The following CAMSAP2 variants were observed in gnomAD, a reference collection of about 807,000 sequenced individuals.
The protein encoded by CAMSAP2 is calmodulin regulated spectrin associated protein family member 2, also known as calmodulin-regulated spectrin-associated protein 2.
A neutral mutation model predicts 146.1 loss-of-function variants in CAMSAP2; 26 were observed. The observed-to-expected ratio is 0.18, with a 90% CI of 0.13 to 0.25. The LOEUF is 0.25. Among genes scored for constraint, CAMSAP2 ranks in the 10% least tolerant of loss-of-function variants. The pLI is 1.00. For missense variants in CAMSAP2, 1,381 were observed against 1,759.3 expected, an observed-to-expected ratio of 0.78 and a Z score of 3.85; for synonymous variants, 499 against 596.6, an observed-to-expected ratio of 0.84 and a Z score of 2.38.
intron 2 of CAMSAP2, among the ~76,000 whole-genome samples, chr1:200,761,619 C>T (rs1010876531): frequency 7.2e-5 from 11 of 151,850 alleles, no homozygotes; most frequent in African/African-American, 2.7e-4. Flanking sequence ...CCTGTAATCC[C>T]AGTTACTTGG....
chr1:200,835,382 A>G (rs1470070726), intron 6 of CAMSAP2, among the ~76,000 whole-genome samples: 1 of 152,240 alleles, frequency 6.6e-6, no homozygotes, highest in Non-Finnish European at 1.5e-5. Context: ...AAAATATTTT[A>G]GCGAGAGACT....
chr1:200,837,257 A>C (rs1667208116), intron 6 of CAMSAP2, among the ~76,000 whole-genome samples: 1 of 151,982 alleles, frequency 6.6e-6, no homozygotes, highest in African/African-American at 2.4e-5. Flanking sequence ...ATCTTGAGTT[A>C]ATTTTTTTAT....
chr1:200,765,634 T>C (rs1378517419), intron 2 of CAMSAP2, among the ~76,000 whole-genome samples: 3 of 152,096 alleles, frequency 2.0e-5, no homozygotes, highest in Non-Finnish European at 4.4e-5. Flanking sequence ...AACTAGACAG[T>C]ATGAAATAAG....
rs143434546 is a variant in CAMSAP2 at position 200,782,725 on chromosome 1, A to G, written c.399+21627A>G. On this transcript the variant is annotated intron_variant, in intron 2 of 16. Coordinates refer to ENST00000358823, the MANE Select transcript of CAMSAP2 (RefSeq NM_203459.4). ...GACTTTGATGCTGTTTCCAGTTTTG[A>G]TGTGTTAGAAATAACGCAGCTATGA... 1.7e-3 allele frequency among the ~76,000 whole-genome samples: 236 copies of G among 141,730 alleles called. 1 individual carries two copies. The highest frequency in any genetic ancestry group is 6.0e-3 in the African/African-American group (230 of 38,654). The allele number at this position is 141,730 out of a possible 152,430, so 93.0% of individuals were successfully genotyped here.
intron 2 of CAMSAP2, among the ~76,000 whole-genome samples, chr1:200,771,186 C>T (rs1313952561): frequency 6.6e-6 from 1 of 152,016 alleles, no homozygotes; most frequent in Non-Finnish European, 1.5e-5. Context: ...GATTGTTTTG[C>T]TCACCTGACT....
chr1:200,833,951 G>T (rs2102220496), intron 6 of CAMSAP2, among the ~76,000 whole-genome samples: 1 of 152,254 alleles, frequency 6.6e-6, no homozygotes, highest in Admixed American at 6.5e-5. Context: ...ATTGTCCTTT[G>T]ACTGTAGGCT....
intron 2 of CAMSAP2, among the ~76,000 whole-genome samples, chr1:200,770,132 C>T (rs183162300): frequency 7.0e-4 from 107 of 152,124 alleles, no homozygotes; most frequent in African/African-American, 2.5e-3. Flanking sequence ...AGTGTGGAAA[C>T]GGGATAGGAC....
intron 6 of CAMSAP2, among the ~76,000 whole-genome samples, chr1:200,838,384 A>C (rs1366967945): frequency 6.6e-6 from 1 of 152,206 alleles, no homozygotes; most frequent in Non-Finnish European, 1.5e-5. Flanking sequence ...TACCATAAAG[A>C]TAAGTATAAA....
intron 4 of CAMSAP2, among the ~76,000 whole-genome samples, chr1:200,817,191 T>TAA (rs71135399): frequency 0.26 from 34,678 of 132,734 alleles, 5,397 homozygotes; most frequent in East Asian, 0.39. Context: ...CACACACACA[T>TAA]GTGTGTGTGT....
chr1:200,772,774 T>A (rs2103014536), intron 2 of CAMSAP2, among the ~76,000 whole-genome samples: 1 of 152,328 alleles, frequency 6.6e-6, no homozygotes, highest in African/African-American at 2.4e-5. Flanking sequence ...CAATAGCATC[T>A]ATTTGTTTGA....
intron 2 of CAMSAP2, among the ~76,000 whole-genome samples, chr1:200,800,173 GT>G (rs536596531): frequency 2.0e-4 from 30 of 152,328 alleles, no homozygotes; most frequent in Non-Finnish European, 3.5e-4. Context: ...TTCTGTAGAT[GT>G]CTATTAGGTC....
chr1:200,741,443 A>T (rs1275235109), intron 1 of CAMSAP2, among the ~76,000 whole-genome samples: 1 of 152,256 alleles, frequency 6.6e-6, no homozygotes, highest in African/African-American at 2.4e-5. Context: ...TTTTAACTTA[A>T]GCAGCACACT....
intron 2 of CAMSAP2, among the ~76,000 whole-genome samples, chr1:200,802,201 T>C (rs1666052562): frequency 6.6e-6 from 1 of 152,198 alleles, no homozygotes; most frequent in Non-Finnish European, 1.5e-5. Context: ...TATTATTACA[T>C]AATAACAAAA....
intron 1 of CAMSAP2, 68 bp downstream of exon 1, chr1:200,740,034 G>T: frequency 6.4e-7 from 1 of 1,555,936 alleles, no homozygotes; most frequent in South Asian, 1.2e-5. Flanking sequence ...TTTTGTTCCC[G>T]ATTCTCGAAT....
In CAMSAP2 at chr1:200,739,755, C is replaced by A; in HGVS notation, c.-73C>A. The A allele has an allele frequency of 6.6e-7, 1 of 1,509,708 alleles. No homozygotes were observed. The highest frequency in any genetic ancestry group is 9.0e-7 in the Non-Finnish European group (1 of 1,113,938). The allele number at this position is 1,509,708 out of a possible 1,614,324, so 93.5% of individuals were successfully genotyped here. A position where few individuals can be genotyped will look rare whatever the true frequency, so the allele number is the denominator to read the frequency against. ...GTTTGAGCTTGCTTCTCCCTCCCTC[C>A]CGACCCCCGTGGTGGCGAGGCCACG... On this transcript the variant is annotated 5_prime_UTR_variant, in exon 1 of 17. Transcript: ENST00000358823. The surrounding 1 kb of genome is among the most constrained non-coding windows in gnomAD (Gnocchi z 4.8).
chr1:200,765,774 G>A (rs1260018464), intron 2 of CAMSAP2, among the ~76,000 whole-genome samples: 2 of 152,182 alleles, frequency 1.3e-5, no homozygotes, highest in South Asian at 2.1e-4. Context: ...AAAGGGATGG[G>A]ATGAGAGTAG....
chr1:200,802,031 T>C (rs1666048495), intron 2 of CAMSAP2, among the ~76,000 whole-genome samples: 1 of 152,246 alleles, frequency 6.6e-6, no homozygotes, highest in Admixed American at 6.5e-5. Flanking sequence ...AGCCTTATAG[T>C]ACAACTGTCT....
At chr1:200,820,237 T>C (rs555866426) in intron 4 of CAMSAP2, among the ~76,000 whole-genome samples, 9 of 152,068 alleles carry the variant, frequency 5.9e-5, no homozygotes, top group African/African-American at 2.2e-4. Flanking sequence ...ATTTTTTGTG[T>C]ATTTTTAGTG....
rs1340726171 is a variant in CAMSAP2, at chr1:200,860,587, C to T, written c.*2528C>T. 1 of 152,324 alleles carries T rather than the reference C, an allele frequency of 6.6e-6. No homozygotes were observed. The highest frequency in any genetic ancestry group is 2.4e-5 in the African/African-American group (1 of 41,448). The allele number at this position is 152,324 out of a possible 1,614,324, so 9.4% of individuals were successfully genotyped here. On this transcript the variant is annotated 3_prime_UTR_variant, in exon 17 of 17. Transcript: ENST00000358823. Reference sequence around the variant, plus strand: ...GTGTGCTTACCTGTCCACTCTAGAGCATTGCTTACAGGTTTTTTGTTTTTT... The same window carrying T: ...GTGTGCTTACCTGTCCACTCTAGAGTATTGCTTACAGGTTTTTTGTTTTTT...
Sources: allele counts gnomAD v4.1 joint callset (sites outside exome capture counted in the v4.1 genomes callset), GRCh38; gene constraint gnomAD v4.1.1; non-coding constraint Gnocchi (gnomAD v3.1); transcripts MANE v1.5; gene names NCBI Gene and HGNC (gene_info 2026-07-23, HGNC 2026-07-21).